The following PLCE1 variants were observed in gnomAD, a reference collection of about 807,000 sequenced individuals.
PLCE1 encodes the protein 1-phosphatidylinositol 4,5-bisphosphate phosphodiesterase epsilon-1.
PLCE1 carries 119 observed loss-of-function variants against 242.8 expected under a neutral mutation model. The ratio of observed to expected loss-of-function variants is 0.49; its 90% CI spans 0.42 to 0.57. PLCE1 has a LOEUF of 0.57. PLCE1 is among the 20% of genes least tolerant of loss of function. The pLI is 0.00. For synonymous variants in PLCE1, 945 were observed against 1,017.4 expected (o/e 0.93, Z 1.35); for missense variants, 2,441 against 2,788.8 (o/e 0.88, Z 2.81).
intron 1 of PLCE1, among the ~76,000 whole-genome samples, chr10:94,021,832 A>G (rs2061381392): frequency 6.6e-6 from 1 of 152,150 alleles, no homozygotes; most frequent in African/African-American, 2.4e-5. Flanking sequence ...ATCTCACTAA[A>G]TGCAGAAAAA....
chr10:94,160,747 T>A (rs1231829019), intron 3 of PLCE1, among the ~76,000 whole-genome samples: 1 of 151,324 alleles, frequency 6.6e-6, no homozygotes, highest in South Asian at 2.1e-4. Flanking sequence ...GTTTTTATGG[T>A]TTTAGGTCTT....
At chr10:94,072,674 T>C (rs2044394930) in intron 2 of PLCE1, among the ~76,000 whole-genome samples, 1 of 152,212 alleles carries the variant, frequency 6.6e-6, no homozygotes, top group Non-Finnish European at 1.5e-5. Flanking sequence ...TTCTTTATTC[T>C]CCTACAAATA....
chr10:94,054,619 A>G (rs1405950485), intron 2 of PLCE1, among the ~76,000 whole-genome samples: 2 of 152,172 alleles, frequency 1.3e-5, no homozygotes, highest in Non-Finnish European at 2.9e-5. Flanking sequence ...CGAATTAATA[A>G]CATTCCCTCA....
chr10:94,047,708 G>A (rs1278301339), intron 2 of PLCE1, among the ~76,000 whole-genome samples: 2 of 151,982 alleles, frequency 1.3e-5, no homozygotes, highest in East Asian at 1.9e-4. Flanking sequence ...AATAAGCACC[G>A]ATGAACTTAA....
intron 14 of PLCE1, among the ~76,000 whole-genome samples, chr10:94,264,182 G>C (rs2051417642): frequency 6.6e-6 from 1 of 152,188 alleles, no homozygotes; most frequent in Non-Finnish European, 1.5e-5. Flanking sequence ...GTGGGCTGAG[G>C]AGAGTAAGCA....
At chr10:94,171,594 AT>A in intron 4 of PLCE1, 98 bp downstream of exon 4, 1 of 951,786 alleles carries the variant, frequency 1.1e-6, no homozygotes. Flanking sequence ...TGATGTGTTC[AT>A]TTCATTCTGT....
At chr10:93,996,066 C>T (rs2060813501) in intron 1 of PLCE1, among the ~76,000 whole-genome samples, 1 of 152,158 alleles carries the variant, frequency 6.6e-6, no homozygotes, top group African/African-American at 2.4e-5. Context: ...GGGACGTTTC[C>T]CATGCCTGGG....
intron 2 of PLCE1, among the ~76,000 whole-genome samples, chr10:94,054,904 C>T (rs1006366764): frequency 2.0e-5 from 3 of 150,530 alleles, no homozygotes; most frequent in African/African-American, 7.4e-5. Context: ...CCCAGCTATT[C>T]AGGAAGCTGA....
In PLCE1 at chr10:94,179,512, G is replaced by GTTTT. The variant is rs1554877545; in HGVS notation, c.1809+8031_1809+8034dup. Among the ~76,000 whole-genome samples the GTTTT allele has an allele frequency of 9.6e-3, 186 of 19,278 alleles. 6 individuals are homozygous for GTTTT. Among genetic ancestry groups the GTTTT allele is most frequent in the Admixed American group, 9.8e-3 (11 of 1,126 alleles). The allele number at this position is 19,278 out of a possible 152,430, so 12.6% of individuals were successfully genotyped here. On this transcript the variant is annotated intron_variant, in intron 4 of 32. Coordinates refer to ENST00000371380, the MANE Select transcript of PLCE1 (RefSeq NM_016341.4). ...TTTATCTTATTTTTATTTTAGTTTA[G>GTTTT]TTTTTTTTTTTTTTTTTTGACAGGG...
At chr10:94,318,241 T>C (rs958921488) in intron 29 of PLCE1, among the ~76,000 whole-genome samples, 8 of 152,208 alleles carry the variant, frequency 5.3e-5, no homozygotes, top group Non-Finnish European at 1.2e-4. Context: ...GCAACCCTAA[T>C]AATAATCACT....
intron 2 of PLCE1, among the ~76,000 whole-genome samples, chr10:94,123,321 TG>T (rs1335831277): frequency 6.6e-6 from 1 of 152,192 alleles, no homozygotes; most frequent in East Asian, 1.9e-4. Flanking sequence ...GATGTTCCCC[TG>T]AAGTGATAAA....
chr10:94,158,390 A>G (rs2047498355), intron 3 of PLCE1, among the ~76,000 whole-genome samples: 1 of 152,154 alleles, frequency 6.6e-6, no homozygotes, highest in Admixed American at 6.5e-5. Context: ...GTGAATTTTG[A>G]CTCAAGTATT....
intron 3 of PLCE1, among the ~76,000 whole-genome samples, chr10:94,142,226 A>G (rs978230594): frequency 6.6e-6 from 1 of 152,166 alleles, no homozygotes; most frequent in Non-Finnish European, 1.5e-5. Context: ...GTGACAATGT[A>G]TATAAAGAAC....
chr10:94,260,038 A>G (rs954044555), intron 13 of PLCE1, among the ~76,000 whole-genome samples: 1 of 152,144 alleles, frequency 6.6e-6, no homozygotes, highest in Non-Finnish European at 1.5e-5. Flanking sequence ...CTTCCACAAC[A>G]TGGAATTGTG....
intron 4 of PLCE1, among the ~76,000 whole-genome samples, chr10:94,175,023 A>G (rs1023927372): frequency 6.6e-6 from 1 of 152,188 alleles, no homozygotes; most frequent in African/African-American, 2.4e-5. Flanking sequence ...GTCTTTTGCA[A>G]CTTTTCTGTA....
chr10:94,050,539 G>A (rs1038759408), intron 2 of PLCE1, among the ~76,000 whole-genome samples: 2 of 151,948 alleles, frequency 1.3e-5, no homozygotes, highest in African/African-American at 4.8e-5. Context: ...TTAAGATCCT[G>A]GCCATTTAAC....
chr10:94,215,127 C>T (rs2049476061), intron 4 of PLCE1, among the ~76,000 whole-genome samples: 1 of 152,118 alleles, frequency 6.6e-6, no homozygotes, highest in Non-Finnish European at 1.5e-5. Flanking sequence ...CCCAGCAACA[C>T]TAGCCTTCTG....
At chr10:93,997,871 A>T (rs181657402) in intron 1 of PLCE1, among the ~76,000 whole-genome samples, 1 of 152,272 alleles carries the variant, frequency 6.6e-6, no homozygotes, top group Non-Finnish European at 1.5e-5. Flanking sequence ...GTAGGAAAAG[A>T]GGTGGGTACT....
intron 1 of PLCE1, among the ~76,000 whole-genome samples, chr10:94,012,346 C>T (rs12766324): frequency 0.93 from 142,094 of 151,996 alleles, 66,531 homozygotes; most frequent in East Asian, 0.99. Flanking sequence ...CAGTAGCCAA[C>T]AGGGCAAGTC....
Sources: gnomAD v4.1 joint callset for allele counts (sites outside exome capture counted in the v4.1 genomes callset) on GRCh38, gnomAD v4.1.1 for gene constraint, MANE v1.5 for transcripts, NCBI Gene and HGNC (gene_info 2026-07-23, HGNC 2026-07-21) for gene names.